The following PIK3CA variants were observed in gnomAD, a reference collection of about 807,000 sequenced individuals.
PIK3CA encodes phosphatidylinositol 4,5-bisphosphate 3-kinase catalytic subunit alpha isoform.
A neutral mutation model predicts 138.2 loss-of-function variants in PIK3CA; 27 were observed. That is an observed-to-expected ratio of 0.20 (90% CI 0.14 to 0.27). PIK3CA has a LOEUF of 0.27. PIK3CA is among the 10% of genes least tolerant of loss of function. PIK3CA has a pLI of 1.00. For synonymous variants in PIK3CA, 358 were observed against 413.2 expected (o/e 0.87, Z 1.62); for missense variants, 544 against 1,277.4 (o/e 0.43, Z 8.75).
intron 1 of PIK3CA, among the ~76,000 whole-genome samples, chr3:179,179,827 A>G (rs1303062338): frequency 6.6e-6 from 1 of 152,230 alleles, no homozygotes; most frequent in Non-Finnish European, 1.5e-5. Flanking sequence ...AAAATATTCA[A>G]AAGTTCATCT....
At chr3:179,201,607 G>GTTT in intron 4 of PIK3CA, 67 bp downstream of exon 4, 1 of 793,688 alleles carries the variant, frequency 1.3e-6, no homozygotes, top group Non-Finnish European at 1.8e-6. Context: ...ATGAGTATCT[G>GTTT]TATTTTTTTT....
Position 179,210,915 on chromosome 3 carries a change from A to G in PIK3CA, c.1539+350A>G, listed in dbSNP as rs1724693333. 2.0e-5 allele frequency among the ~76,000 whole-genome samples: 3 copies of G among 152,364 alleles called. No individual in the cohort carries two copies. In the South Asian group the frequency reaches 6.2e-4, roughly 32 times the overall value. Reference sequence around the variant, plus strand: ...TTAAGCAGATAAAAGCAGAAATATAAGATTACAGTTGACCCTTGAACAACA... The same window carrying G: ...TTAAGCAGATAAAAGCAGAAATATAGGATTACAGTTGACCCTTGAACAACA... On this transcript the variant is annotated intron_variant, in intron 9 of 20. Transcript: ENST00000263967.
chr3:179,194,746 G>C (rs1724222170), intron 1 of PIK3CA, among the ~76,000 whole-genome samples: 1 of 152,046 alleles, frequency 6.6e-6, no homozygotes, highest in South Asian at 2.1e-4. Context: ...TAGAACACCT[G>C]TCTATAGGCT....
chr3:179,207,832 A>G (rs1724608498), intron 6 of PIK3CA, among the ~76,000 whole-genome samples: 1 of 151,972 alleles, frequency 6.6e-6, no homozygotes, highest in Admixed American at 6.6e-5. Flanking sequence ...ATTTTTTTTA[A>G]ATCATTGCGG....
intron 6 of PIK3CA, among the ~76,000 whole-genome samples, chr3:179,207,871 A>G (rs957644915): frequency 1.3e-5 from 2 of 151,788 alleles, no homozygotes; most frequent in South Asian, 4.2e-4. Context: ...TTTTCTCTAT[A>G]TGTTTCTACA....
intron 1 of PIK3CA, among the ~76,000 whole-genome samples, chr3:179,156,211 A>C (rs1449676908): frequency 6.6e-6 from 1 of 152,212 alleles, no homozygotes; most frequent in Non-Finnish European, 1.5e-5. Context: ...AAAAGAATGG[A>C]GTGGAAGGAT....
chr3:179,148,818 C>G (rs1722926652), intron 1 of PIK3CA, among the ~76,000 whole-genome samples: 1 of 152,174 alleles, frequency 6.6e-6, no homozygotes, highest in African/African-American at 2.4e-5. Flanking sequence ...GCTCGCCGCT[C>G]CCTCTCCTTT....
rs3976507 is a variant in PIK3CA at position 179,239,995 on chromosome 3, C to T, written c.*5631C>T. On this transcript the variant is annotated 3_prime_UTR_variant, in exon 21 of 21. Coordinates refer to ENST00000263967, the MANE Select transcript of PIK3CA (RefSeq NM_006218.4). Reference sequence around the variant, plus strand: ...GCAAGAAGTTTGGCCTGTGACTGCACTTACTGTTTATGCTCATCAGAAACT... The same window carrying T: ...GCAAGAAGTTTGGCCTGTGACTGCATTTACTGTTTATGCTCATCAGAAACT... 0.19 allele frequency: 289,950 copies of T among 1,537,222 alleles called. 29,971 individuals are homozygous for T. The highest frequency in any genetic ancestry group is 0.39 in the African/African-American group (28,091 of 72,392).
chr3:179,156,722 G>C (rs1723147584), intron 1 of PIK3CA, among the ~76,000 whole-genome samples: 1 of 152,150 alleles, frequency 6.6e-6, no homozygotes, highest in Non-Finnish European at 1.5e-5. Context: ...CTCAGGTAAT[G>C]AGATATTATT....
chr3:179,225,304 A>G (rs570022938), intron 16 of PIK3CA, among the ~76,000 whole-genome samples: 8 of 152,250 alleles, frequency 5.3e-5, no homozygotes, highest in African/African-American at 1.9e-4. Flanking sequence ...AATAATTACA[A>G]AAATAAAATT....
chr3:179,199,199 TA>T (rs766948465), intron 2 of PIK3CA, 22 bp downstream of exon 2: 1 of 1,442,906 alleles, frequency 6.9e-7, no homozygotes, highest in South Asian at 1.4e-5. Context: ...TATCCTATTC[TA>T]AAATGCAAAT....
chr3:179,203,455 A>G (rs1026197643), intron 4 of PIK3CA, 89 bp from the exon 5 acceptor site: 2 of 1,230,522 alleles, frequency 1.6e-6, no homozygotes, highest in African/African-American at 3.4e-5. Context: ...TCACCTTTGC[A>G]GATTAATATG....
At chr3:179,174,511 T>A (rs1168732699) in intron 1 of PIK3CA, among the ~76,000 whole-genome samples, 1 of 151,654 alleles carries the variant, frequency 6.6e-6, no homozygotes, top group Non-Finnish European at 1.5e-5. Context: ...GTATCTCACT[T>A]CCCCCCCATT....
Position 179,198,836 on chromosome 3 carries a change from G to T in PIK3CA, c.11G>T (p.Arg4Leu), listed in dbSNP as rs749956691. 4 of 1,538,500 alleles carry T rather than the reference G, an allele frequency of 2.6e-6. No individual in the cohort carries two copies. The South Asian group carries it at 5.0e-5, about 19-fold the overall frequency. MPP[R>L]PSSGELWGIH... ...CAAAGAATCAGAACAATGCCTCCAC[G>T]ACCATCATCAGGTGAACTGTGGGGC... The change falls in exon 2 of 21, where the codon CGA becomes CTA. Residue 4 changes from arginine (R) to leucine (L), a missense_variant. Physicochemically the swap from Arg to Leu is moderately radical, Grantham distance 102. Coordinates refer to ENST00000263967, the MANE Select transcript of PIK3CA (RefSeq NM_006218.4).
intron 6 of PIK3CA, among the ~76,000 whole-genome samples, chr3:179,207,190 A>G (rs1724584474): frequency 6.6e-6 from 1 of 152,184 alleles, no homozygotes; most frequent in Admixed American, 6.5e-5. Flanking sequence ...TTTGTTTCAA[A>G]TCTGTGCTTC....
At chr3:179,162,570 T>C (rs1723312262) in intron 1 of PIK3CA, among the ~76,000 whole-genome samples, 1 of 152,100 alleles carries the variant, frequency 6.6e-6, no homozygotes, top group Non-Finnish European at 1.5e-5. Flanking sequence ...ACTGAGAAAT[T>C]GTTAGAATGA....
At chr3:179,217,018 T>G (rs1381136827) in intron 9 of PIK3CA, among the ~76,000 whole-genome samples, 1 of 152,142 alleles carries the variant, frequency 6.6e-6, no homozygotes, top group Non-Finnish European at 1.5e-5. Context: ...AATCCCAACT[T>G]TATACCCTGT....
chr3:179,214,465 C>T (rs930175861), intron 9 of PIK3CA, among the ~76,000 whole-genome samples: 1 of 152,022 alleles, frequency 6.6e-6, no homozygotes, highest in Admixed American at 6.6e-5. Flanking sequence ...CAACACTTAT[C>T]GAATAAGTTC....
chr3:179,154,861 A>G (rs1723095779), intron 1 of PIK3CA, among the ~76,000 whole-genome samples: 1 of 152,228 alleles, frequency 6.6e-6, no homozygotes, highest in South Asian at 2.1e-4. Context: ...CTCATTTATA[A>G]GAGGTTGTGT....
Sources: allele counts gnomAD v4.1 joint callset (sites outside exome capture counted in the v4.1 genomes callset), GRCh38; gene constraint gnomAD v4.1.1; transcripts MANE v1.5; gene names NCBI Gene and HGNC (gene_info 2026-07-23, HGNC 2026-07-21).